Variants in EPC2 observed in about 807,000 individuals in gnomAD.
EPC2 encodes the protein enhancer of polycomb homolog 2.
Under a neutral mutation model 92.1 loss-of-function variants are expected in EPC2, and 14 were observed. That is an observed-to-expected ratio of 0.15 (90% CI 0.10 to 0.24). EPC2 has a LOEUF of 0.24. EPC2 is among the 10% of genes least tolerant of loss of function. EPC2 has a pLI of 1.00. For missense variants in EPC2, 755 were observed against 971.5 expected, an observed-to-expected ratio of 0.78 and a Z score of 2.96; for synonymous variants, 340 against 334.7, an observed-to-expected ratio of 1.02 and a Z score of -0.17.
At chr2:148,726,758 G>GTTT (rs1448355101) in intron 2 of EPC2, among the ~76,000 whole-genome samples, 3 of 75,266 alleles carry the variant, frequency 4.0e-5, no homozygotes, top group South Asian at 3.9e-4. Context: ...TTTTTGTTTT[G>GTTT]TTTTTTGTTT....
intron 9 of EPC2, 44 bp from the exon 10 acceptor site, chr2:148,771,000 G>T: frequency 6.3e-7 from 1 of 1,594,766 alleles, no homozygotes; most frequent in Non-Finnish European, 8.5e-7. Flanking sequence ...AAGAGAACAT[G>T]TTCAGCTCTC....
intron 2 of EPC2, among the ~76,000 whole-genome samples, chr2:148,727,972 A>T (rs1162602619): frequency 6.6e-6 from 1 of 152,182 alleles, no homozygotes; most frequent in African/African-American, 2.4e-5. Context: ...TTTCAAGCAC[A>T]TAGGAATTTG....
intron 1 of EPC2, among the ~76,000 whole-genome samples, chr2:148,659,542 G>A (rs1574565365): frequency 6.6e-6 from 1 of 151,998 alleles, no homozygotes; most frequent in African/African-American, 2.4e-5. Flanking sequence ...CTGATGAATA[G>A]AAATGTATTG....
chr2:148,759,112 G>A (rs1683249846), intron 4 of EPC2, among the ~76,000 whole-genome samples: 1 of 152,132 alleles, frequency 6.6e-6, no homozygotes, highest in Non-Finnish European at 1.5e-5. Flanking sequence ...CTATTTTTAA[G>A]ATGGAATCTT....
intron 1 of EPC2, among the ~76,000 whole-genome samples, chr2:148,686,038 G>C (rs1681515086): frequency 6.6e-6 from 1 of 152,186 alleles, no homozygotes; most frequent in Non-Finnish European, 1.5e-5. Flanking sequence ...AGACAATAGT[G>C]AAGTTTGCTG....
At chr2:148,688,541 G>A (rs557886741) in intron 1 of EPC2, among the ~76,000 whole-genome samples, 2 of 151,958 alleles carry the variant, frequency 1.3e-5, no homozygotes, top group East Asian at 3.9e-4. Flanking sequence ...GTACACATGT[G>A]CCCTAAAACT....
At chr2:148,746,288 A>T (rs2105410039) in intron 3 of EPC2, among the ~76,000 whole-genome samples, 1 of 152,048 alleles carries the variant, frequency 6.6e-6, no homozygotes, top group South Asian at 2.1e-4. Flanking sequence ...CTTCACCTGG[A>T]TGGTCCACAG....
intron 7 of EPC2, among the ~76,000 whole-genome samples, chr2:148,765,778 C>G (rs1003014908): frequency 2.0e-5 from 3 of 152,164 alleles, no homozygotes; most frequent in Admixed American, 6.5e-5. Context: ...TGGCTCACTC[C>G]TATAATCCCA....
In EPC2 at chr2:148,645,460, C is replaced by G. The variant is rs940206147; in HGVS notation, c.153+290C>G. 8.0e-6 allele frequency: 3 copies of G among 377,118 alleles called. No homozygotes were observed. The East Asian group carries it at 1.8e-4, about 23-fold the overall frequency. The allele number at this position is 377,118 out of a possible 1,614,324, so 23.4% of individuals were successfully genotyped here. On this transcript the variant is annotated intron_variant, in intron 1 of 13. Transcript: ENST00000258484. Reference sequence around the variant, plus strand: ...GGCCGGGAATGGCGCAGGGGATGCGCTGGCCGCTCTTGGCGTACGGTCTCT... The same window carrying G: ...GGCCGGGAATGGCGCAGGGGATGCGGTGGCCGCTCTTGGCGTACGGTCTCT...
intron 1 of EPC2, among the ~76,000 whole-genome samples, chr2:148,650,718 C>A (rs1680665266): frequency 6.6e-6 from 1 of 152,062 alleles, no homozygotes; most frequent in Non-Finnish European, 1.5e-5. Flanking sequence ...ACTATTGGCA[C>A]TAATATATTT....
At chr2:148,761,757 C>G in intron 4 of EPC2, 25 bp from the exon 5 acceptor site, 1 of 1,411,320 alleles carries the variant, frequency 7.1e-7, no homozygotes, top group South Asian at 1.5e-5. Context: ...GTTGTTTATT[C>G]TTCTAAAATT....
At chr2:148,786,262 G>C (rs1485815685) in intron 13 of EPC2, 43 bp from the exon 14 acceptor site, 14 of 1,439,920 alleles carry the variant, frequency 9.7e-6, no homozygotes, top group Non-Finnish European at 1.4e-5. Flanking sequence ...TCATGTTCTA[G>C]AGAGTATTGA....
At chr2:148,657,884 TTGTGTGTGTG>T (rs35739873) in intron 1 of EPC2, among the ~76,000 whole-genome samples, 17 of 149,734 alleles carry the variant, frequency 1.1e-4, no homozygotes, top group African/African-American at 3.7e-4. Context: ...ATCACTCATT[TTGTGTGTGTG>T]TGTGTGTGTG....
At chr2:148,708,195 A>G (rs550025726) in intron 2 of EPC2, among the ~76,000 whole-genome samples, 4 of 152,350 alleles carry the variant, frequency 2.6e-5, no homozygotes, top group African/African-American at 7.2e-5. Flanking sequence ...ACAGACTACC[A>G]TCAGAGAATA....
At position 148,691,861 on chromosome 2, in the gene EPC2, C is replaced by G. The variant is rs1471111575; in HGVS notation, c.313+1488C>G. The G allele has an allele frequency of 9.8e-6, 6 of 614,686 alleles. No individual in the cohort carries two copies. The Admixed American group carries it at 1.3e-4, about 13-fold the overall frequency. 38.1% of individuals were successfully genotyped at this position (614,686 alleles called of 1,614,324 possible). ...CTTTAATCTTACACTGAGGGCATAG[C>G]CCTTTGGTAATGTATCTTTATTCAG... On this transcript the variant is annotated intron_variant, in intron 2 of 13. Transcript: ENST00000258484.
chr2:148,742,160 C>T (rs1001148264), intron 2 of EPC2, among the ~76,000 whole-genome samples: 2 of 152,034 alleles, frequency 1.3e-5, no homozygotes, highest in Admixed American at 1.3e-4. Context: ...TTTTTTACTT[C>T]TTGCAGTGTC....
chr2:148,718,652 C>G (rs1682304302), intron 2 of EPC2, among the ~76,000 whole-genome samples: 1 of 152,122 alleles, frequency 6.6e-6, no homozygotes, highest in South Asian at 2.1e-4. Context: ...TGGCCCTTCT[C>G]TCTGGCTGCT....
intron 1 of EPC2, among the ~76,000 whole-genome samples, chr2:148,686,980 G>A (rs753878431): frequency 2.0e-5 from 3 of 152,238 alleles, no homozygotes; most frequent in Admixed American, 6.5e-5. Flanking sequence ...AGGCGTTGAC[G>A]TTTCCTCTCT....
At chr2:148,743,878 C>A in intron 3 of EPC2, 111 bp downstream of exon 3, 1 of 828,648 alleles carries the variant, frequency 1.2e-6, no homozygotes, top group Non-Finnish European at 1.8e-6. Flanking sequence ...TTCCTGACAT[C>A]CTGGAATTTC....
Sources: gnomAD v4.1 joint callset for allele counts (sites outside exome capture counted in the v4.1 genomes callset) on GRCh38, gnomAD v4.1.1 for gene constraint, MANE v1.5 for transcripts, NCBI Gene and HGNC (gene_info 2026-07-23, HGNC 2026-07-21) for gene names.